The following HMGN3 variants were observed in gnomAD, a reference collection of about 807,000 sequenced individuals.
HMGN3 encodes high mobility group nucleosome-binding domain-containing protein 3.
Under a neutral mutation model 18.8 loss-of-function variants are expected in HMGN3, and 6 were observed. The observed-to-expected ratio is 0.32, with a 90% CI of 0.18 to 0.63. HMGN3 has a LOEUF of 0.63. HMGN3 is among the 30% of genes least tolerant of loss of function. The pLI is 0.79. For missense variants in HMGN3, 107 were observed against 114.2 expected (o/e 0.94, Z 0.29); for synonymous variants, 40 against 36.5 (o/e 1.10, Z -0.35).
chr6:79,223,589 C>G (rs1450315794), intron 1 of HMGN3, among the ~76,000 whole-genome samples: 1 of 152,112 alleles, frequency 6.6e-6, no homozygotes, highest in Non-Finnish European at 1.5e-5. Flanking sequence ...GCCTGTAATC[C>G]CAGATACTTG....
chr6:79,223,522 A>C (rs915595240), intron 1 of HMGN3, among the ~76,000 whole-genome samples: 2 of 151,814 alleles, frequency 1.3e-5, no homozygotes, highest in African/African-American at 4.8e-5. Flanking sequence ...ACAAACAAAC[A>C]AACACACACA....
At chr6:79,202,796 A>G (rs907906938) in intron 4 of HMGN3, among the ~76,000 whole-genome samples, 4 of 151,958 alleles carry the variant, frequency 2.6e-5, no homozygotes, top group African/African-American at 9.7e-5. Context: ...TTTCCAATGA[A>G]CCCCTCACGT....
At chr6:79,227,782 C>A (rs1453219412) in intron 1 of HMGN3, among the ~76,000 whole-genome samples, 1 of 152,100 alleles carries the variant, frequency 6.6e-6, no homozygotes, top group African/African-American at 2.4e-5. Context: ...AATAATTAAA[C>A]CTACTTAGTA....
At chr6:79,222,487 C>T (rs756538142) in intron 1 of HMGN3, among the ~76,000 whole-genome samples, 1 of 152,160 alleles carries the variant, frequency 6.6e-6, no homozygotes, top group Non-Finnish European at 1.5e-5. Flanking sequence ...CCATGAAATT[C>T]TTATAAGGTT....
At chr6:79,207,560 G>A (rs1053813245) in intron 3 of HMGN3, among the ~76,000 whole-genome samples, 10 of 152,194 alleles carry the variant, frequency 6.6e-5, no homozygotes, top group African/African-American at 2.4e-4. Flanking sequence ...AAAATGCCCA[G>A]TCTTGAGTAT....
At chr6:79,214,802 G>A (rs913642267) in intron 2 of HMGN3, among the ~76,000 whole-genome samples, 170 bp downstream of exon 2, 1 of 152,204 alleles carries the variant, frequency 6.6e-6, no homozygotes, top group Admixed American at 6.5e-5. Context: ...GGCCAAGCGA[G>A]ACTACATATA....
intron 1 of HMGN3, among the ~76,000 whole-genome samples, chr6:79,232,820 C>G (rs566587995): frequency 6.6e-6 from 1 of 152,078 alleles, no homozygotes; most frequent in African/African-American, 2.4e-5. Context: ...CTCTGTAACC[C>G]GTATCTTGAT....
intron 1 of HMGN3, among the ~76,000 whole-genome samples, chr6:79,227,060 T>C (rs757162572): frequency 1.3e-5 from 2 of 152,220 alleles, no homozygotes; most frequent in Admixed American, 6.5e-5. Flanking sequence ...TTCAACACTC[T>C]AGGTACTATG....
intron 1 of HMGN3, among the ~76,000 whole-genome samples, chr6:79,221,663 C>T (rs1777289807): frequency 6.6e-6 from 1 of 152,164 alleles, no homozygotes; most frequent in Non-Finnish European, 1.5e-5. Context: ...AAAATCCTTA[C>T]ACCCTTTCAA....
At chr6:79,229,617 C>A (rs1487856742) in intron 1 of HMGN3, among the ~76,000 whole-genome samples, 7 of 152,332 alleles carry the variant, frequency 4.6e-5, no homozygotes, top group Admixed American at 2.6e-4. Flanking sequence ...GTGGCTCACA[C>A]CTGTAATCCC....
At chr6:79,213,475 G>A (rs1449844455) in intron 2 of HMGN3, among the ~76,000 whole-genome samples, 2 of 61,562 alleles carry the variant, frequency 3.2e-5, no homozygotes, top group African/African-American at 5.2e-5. Context: ...TTGTTTTGGT[G>A]TCCAAATCTT....
rs148286524 is a variant in HMGN3 at position 79,221,914 on chromosome 6, T to TAGTACCAATTC, written c.16-6893_16-6892insGAATTGGTACT. 6.1e-4 allele frequency among the ~76,000 whole-genome samples: 53 copies of TAGTACCAATTC among 87,460 alleles called. No individual in the cohort carries two copies. In the East Asian group the frequency reaches 0.019, roughly 32 times the overall value. 57.4% of individuals were successfully genotyped at this position (87,460 alleles called of 152,430 possible). A position where few individuals can be genotyped will look rare whatever the true frequency, so the allele number is the denominator to read the frequency against. On this transcript the variant is annotated intron_variant, in intron 1 of 5. Transcript: ENST00000344726. ...TGTAGTACCAATTCATTGGTACATG[T>TAGTACCAATTC]ATTGGTACATGTATTGGTACATGTA... is the stretch of plus-strand genomic sequence containing the variant.
chr6:79,211,042 C>T (rs1776664058), intron 2 of HMGN3, among the ~76,000 whole-genome samples: 1 of 138,660 alleles, frequency 7.2e-6, no homozygotes, highest in Non-Finnish European at 1.5e-5. Flanking sequence ...AATGCCTAAG[C>T]TGTCTAAACC....
At chr6:79,204,215 C>T (rs556789202) in intron 3 of HMGN3, among the ~76,000 whole-genome samples, 4 of 152,326 alleles carry the variant, frequency 2.6e-5, no homozygotes, top group African/African-American at 9.6e-5. Context: ...ACCAGATATG[C>T]TGGGCTCATT....
intron 1 of HMGN3, among the ~76,000 whole-genome samples, chr6:79,224,695 T>C (rs1048004651): frequency 6.6e-6 from 1 of 152,166 alleles, no homozygotes; most frequent in African/African-American, 2.4e-5. Flanking sequence ...AATATTTCCA[T>C]TGTACAGATG....
In HMGN3 at chr6:79,227,797, A is replaced by G. The variant is rs568315469; in HGVS notation, c.15+6749T>C. Among the ~76,000 whole-genome samples, 13 of 152,336 alleles carry G rather than the reference A, an allele frequency of 8.5e-5. No homozygotes were observed. In the South Asian group the frequency reaches 2.7e-3, roughly 32 times the overall value. ...AATAATTAAACCTACTTAGTATGAA[A>G]TGATTAAACTTATTACTCCCTTCCT... On this transcript the variant is annotated intron_variant, in intron 1 of 5. Coordinates refer to ENST00000344726, the Ensembl canonical transcript of HMGN3.
At chr6:79,203,480 T>C (rs1776252971) in intron 4 of HMGN3, 100 bp downstream of exon 4, 8 of 1,035,800 alleles carry the variant, frequency 7.7e-6, no homozygotes, top group Middle Eastern at 2.1e-4. Flanking sequence ...GGTTTCAGTT[T>C]GGATCATTAA....
At chr6:79,225,503 C>T (rs1320464698) in intron 1 of HMGN3, among the ~76,000 whole-genome samples, 2 of 152,142 alleles carry the variant, frequency 1.3e-5, no homozygotes. Context: ...ATTTTTTAAA[C>T]CCAGTCCCTA....
chr6:79,212,223 T>C (rs1776726830), intron 2 of HMGN3, among the ~76,000 whole-genome samples: 1 of 152,154 alleles, frequency 6.6e-6, no homozygotes, highest in Non-Finnish European at 1.5e-5. Context: ...GAACAGGAGA[T>C]GCAGATATCT....
Sources: gnomAD v4.1 joint callset for allele counts (sites outside exome capture counted in the v4.1 genomes callset) on GRCh38, gnomAD v4.1.1 for gene constraint, MANE v1.5 for transcripts, NCBI Gene and HGNC (gene_info 2026-07-23, HGNC 2026-07-21) for gene names.